NKAIN2: variants seen among roughly 807,000 people sequenced by gnomAD.
The protein encoded by NKAIN2 is sodium/potassium transporting ATPase interacting 2.
In NKAIN2, 14 loss-of-function variants were observed where a neutral mutation model predicts 32.6. That is an observed-to-expected ratio of 0.43 (90% CI 0.28 to 0.67). The LOEUF (loss-of-function observed/expected upper bound fraction) is 0.67. Ranked by LOEUF, NKAIN2 falls within the 30% of genes least tolerant of loss-of-function variation. The pLI, the probability that NKAIN2 is intolerant of heterozygous loss-of-function variation, is 0.17. For synonymous variants in NKAIN2, 80 were observed against 87.2 expected, an observed-to-expected ratio of 0.92 and a Z score of 0.46; for missense variants, 198 against 258.3, an observed-to-expected ratio of 0.77 and a Z score of 1.60.
At chr6:123,899,603 GAAA>G (rs1774458278) in intron 1 of NKAIN2, among the ~76,000 whole-genome samples, 1 of 152,142 alleles carries the variant, frequency 6.6e-6, no homozygotes, top group Non-Finnish European at 1.5e-5. Flanking sequence ...TAAATGGAAG[GAAA>G]AACACTACCT....
intron 3 of NKAIN2, among the ~76,000 whole-genome samples, chr6:124,376,149 A>G (rs922475166): frequency 2.6e-5 from 4 of 152,160 alleles, no homozygotes; most frequent in Non-Finnish European, 4.4e-5. Flanking sequence ...AAAAGAAAAA[A>G]TTACAAATGC....
chr6:124,693,322 C>T (rs143570033), intron 4 of NKAIN2, among the ~76,000 whole-genome samples: 21 of 152,254 alleles, frequency 1.4e-4, no homozygotes, highest in African/African-American at 2.4e-4. Context: ...GGTTTGTAGT[C>T]TAGGAGTGAT....
At chr6:124,732,020 C>A (rs1776705018) in intron 4 of NKAIN2, among the ~76,000 whole-genome samples, 1 of 152,018 alleles carries the variant, frequency 6.6e-6, no homozygotes, top group African/African-American at 2.4e-5. Context: ...GCCTACTTTA[C>A]TTAGCCTTCA....
chr6:124,467,497 C>A (rs965836803), intron 3 of NKAIN2, among the ~76,000 whole-genome samples: 1 of 152,014 alleles, frequency 6.6e-6, no homozygotes, highest in African/African-American at 2.4e-5. Context: ...GCTTGTAAAG[C>A]CACCCAGAAG....
intron 1 of NKAIN2, among the ~76,000 whole-genome samples, chr6:123,806,106 T>C (rs1773203941): frequency 6.6e-6 from 1 of 152,146 alleles, no homozygotes; most frequent in Non-Finnish European, 1.5e-5. Context: ...TATGTACATA[T>C]GCTCTTGAGT....
At chr6:124,614,157 G>A (rs1782794979) in intron 3 of NKAIN2, among the ~76,000 whole-genome samples, 1 of 152,142 alleles carries the variant, frequency 6.6e-6, no homozygotes, top group South Asian at 2.1e-4. Flanking sequence ...ACTTTGGGAG[G>A]CCAAGAAGGG....
rs899701575 is a variant in NKAIN2 at position 124,210,052 on chromosome 6, GT to G, written c.55-72944del. Among the ~76,000 whole-genome samples, 11 of 148,602 alleles carry G rather than the reference GT, an allele frequency of 7.4e-5. No individual in the cohort carries two copies. The South Asian group carries it at 2.2e-3, about 29-fold the overall frequency. On this transcript the variant is annotated intron_variant, in intron 1 of 6. Coordinates refer to ENST00000368417, the MANE Select transcript of NKAIN2 (RefSeq NM_001040214.3). The stretch of plus-strand genomic sequence containing the variant: ...TTACATTCTAAAGTGTTTCCCTGAT[GT>G]TTTTTTTTCAGTGGTTTCATAGTTT...
At chr6:124,737,931 G>A (rs576186707) in intron 4 of NKAIN2, among the ~76,000 whole-genome samples, 13 of 151,978 alleles carry the variant, frequency 8.6e-5, no homozygotes, top group African/African-American at 2.4e-4. Context: ...TTTCTAAGTG[G>A]CAAAGCATTC....
chr6:124,451,959 C>G (rs1776125746), intron 3 of NKAIN2, among the ~76,000 whole-genome samples: 1 of 151,968 alleles, frequency 6.6e-6, no homozygotes, highest in African/African-American at 2.4e-5. Context: ...CTTTGGGAGG[C>G]CAAGGTGGGC....
chr6:124,001,404 A>G (rs537845090), intron 1 of NKAIN2, among the ~76,000 whole-genome samples: 23 of 152,184 alleles, frequency 1.5e-4, no homozygotes, highest in African/African-American at 5.5e-4. Flanking sequence ...CCAGAACTAT[A>G]AAGATTTAAC....
chr6:123,841,260 A>G (rs1387179982), intron 1 of NKAIN2, among the ~76,000 whole-genome samples: 1 of 152,210 alleles, frequency 6.6e-6, no homozygotes, highest in Non-Finnish European at 1.5e-5. Context: ...ATTTGTAGGT[A>G]TGATTAACTG....
chr6:123,888,606 A>C (rs1377548418), intron 1 of NKAIN2, among the ~76,000 whole-genome samples: 1 of 152,114 alleles, frequency 6.6e-6, no homozygotes, highest in Non-Finnish European at 1.5e-5. Context: ...TATCAAATCA[A>C]TATTAAAGTT....
chr6:123,905,319 T>G (rs1774811977), intron 1 of NKAIN2, among the ~76,000 whole-genome samples: 1 of 152,034 alleles, frequency 6.6e-6, no homozygotes, highest in Admixed American at 6.6e-5. Flanking sequence ...ATTAGTGGGT[T>G]TGCATCACAG....
intron 1 of NKAIN2, among the ~76,000 whole-genome samples, chr6:123,965,993 G>A (rs967195957): frequency 6.6e-6 from 1 of 152,154 alleles, no homozygotes; most frequent in African/African-American, 2.4e-5. Flanking sequence ...CTGGCCTGTC[G>A]TTCCCAAGGA....
At chr6:124,708,189 C>A (rs1229944922) in intron 4 of NKAIN2, among the ~76,000 whole-genome samples, 2 of 143,934 alleles carry the variant, frequency 1.4e-5, no homozygotes, top group African/African-American at 5.3e-5. Context: ...CTGTTCTGTT[C>A]CATTGATCTA....
rs567481902 is a variant in NKAIN2, at chr6:124,523,102, C to T, written c.274-135084C>T. Among the ~76,000 whole-genome samples, 4 of 37,072 alleles carry T rather than the reference C, an allele frequency of 1.1e-4. No homozygotes were observed. The South Asian group carries it at 7.2e-3, about 66-fold the overall frequency. The allele number at this position is 37,072 out of a possible 152,430, so 24.3% of individuals were successfully genotyped here. Reference sequence around the variant, plus strand: ...AGCTTGCAGTGAGCCGAGATCGCGCCACAGCACTCCCGCCTGGGCGACAGA... The same window carrying T: ...AGCTTGCAGTGAGCCGAGATCGCGCTACAGCACTCCCGCCTGGGCGACAGA... On this transcript the variant is annotated intron_variant, in intron 3 of 6. Coordinates refer to ENST00000368417, the MANE Select transcript of NKAIN2 (RefSeq NM_001040214.3).
intron 4 of NKAIN2, among the ~76,000 whole-genome samples, chr6:124,667,813 T>C (rs1772878530): frequency 1.3e-5 from 2 of 152,058 alleles, no homozygotes; most frequent in African/African-American, 4.8e-5. Context: ...GGAAAAAGAA[T>C]TTAAAATATG....
At chr6:124,335,451 G>C (rs571754211) in intron 2 of NKAIN2, among the ~76,000 whole-genome samples, 2 of 152,202 alleles carry the variant, frequency 1.3e-5, no homozygotes, top group South Asian at 4.1e-4. Flanking sequence ...ACATATTTTA[G>C]AAGCTGTTTA....
chr6:124,020,594 C>T (rs1221303785), intron 1 of NKAIN2, among the ~76,000 whole-genome samples: 3 of 152,102 alleles, frequency 2.0e-5, no homozygotes, highest in Admixed American at 1.3e-4. Flanking sequence ...TAGACTACAT[C>T]ACTAAAGCAT....
Sources: gnomAD v4.1 joint callset for allele counts (sites outside exome capture counted in the v4.1 genomes callset) on GRCh38, gnomAD v4.1.1 for gene constraint, MANE v1.5 for transcripts, NCBI Gene and HGNC (gene_info 2026-07-23, HGNC 2026-07-21) for gene names.